Variants in ZNF761 observed in about 807,000 individuals in gnomAD.
ZNF761 encodes zinc finger protein 761.
Under a neutral mutation model 59.9 loss-of-function variants are expected in ZNF761, and 43 were observed. The observed-to-expected ratio is 0.72, with a 90% confidence interval of 0.56 to 0.92. ZNF761 has a LOEUF of 0.92. ZNF761 is among the 40% of genes least tolerant of loss of function. ZNF761 has a pLI of 0.00. For missense variants in ZNF761, 850 were observed against 906.1 expected (o/e 0.94, Z 0.79); for synonymous variants, 294 against 304.8 (o/e 0.96, Z 0.37).
rs2708740 is a variant in ZNF761, at chr19:53,457,084, A to C, written c.*336A>C. 1 of 598,954 alleles carries C rather than the reference A, an allele frequency of 1.7e-6. No homozygotes were observed. The highest frequency in any genetic ancestry group is 4.2e-5 in the East Asian group (1 of 24,068). The allele number at this position is 598,954 out of a possible 1,614,324, so 37.1% of individuals were successfully genotyped here. ...GGAGAGAAACCTTACCAGTGTAATG[A>C]GTGTGGCAAAGCCTTTAGTAGGCAG... On this transcript the variant is annotated 3_prime_UTR_variant, in exon 5 of 5. Coordinates refer to ENST00000684525, the MANE Select transcript of ZNF761 (RefSeq NM_001289951.2).
At chr19:53,446,463 C>T (rs1331778962) in intron 2 of ZNF761, 126 bp downstream of exon 2, 1 of 152,150 alleles carries the variant, frequency 6.6e-6, no homozygotes, top group Non-Finnish European at 1.5e-5. Context: ...GCAACTGCCA[C>T]CTCCTGGGTT....
intron 1 of ZNF761, chr19:53,444,144 A>G (rs985704544): frequency 2.0e-5 from 3 of 152,378 alleles, no homozygotes; most frequent in African/African-American, 7.2e-5. Context: ...AGCCTGAGAT[A>G]TGGCCTCATG....
intron 1 of ZNF761, among the ~76,000 whole-genome samples, chr19:53,441,269 A>G (rs2086096640): frequency 6.6e-6 from 1 of 152,186 alleles, no homozygotes; most frequent in South Asian, 2.1e-4. Flanking sequence ...GTGGCAGAGC[A>G]AGTCTCCATC....
intron 1 of ZNF761, among the ~76,000 whole-genome samples, chr19:53,438,318 A>C (rs2086063877): frequency 6.6e-6 from 1 of 152,234 alleles, no homozygotes; most frequent in South Asian, 2.1e-4. Flanking sequence ...TCTTGTGTTA[A>C]CAAGATGGTG....
intron 1 of ZNF761, chr19:53,441,971 G>T: frequency 7.2e-7 from 1 of 1,391,234 alleles, no homozygotes; most frequent in Non-Finnish European, 1.0e-6. Flanking sequence ...AGAAGCTGAG[G>T]GAAAAAGGTG....
In ZNF761 at chr19:53,449,551, C is replaced by G. The variant is rs1568810694; in HGVS notation, c.55C>G (p.Gln19Glu). Residue 19 changes from glutamine to glutamate, a missense_variant, in exon 4 of 5, where the codon CAG (glutamine) becomes GAG (glutamate). Physicochemically the swap from Gln to Glu is conservative, Grantham distance 29. Transcript: ENST00000684525. The stretch of plus-strand genomic sequence containing the variant: ...CAGGGATGTGGCCATAGAATTCTCT[C>G]AGGAGGAGTGGAAATGCCTGGACCC... ...TFRDVAIEFS[Q>E]EEWKCLDPAQ... 6.2e-7 allele frequency: 1 copy of G among 1,613,624 alleles called. No homozygotes were observed. Among genetic ancestry groups the G allele is most frequent in the Non-Finnish European group, 8.5e-7 (1 of 1,179,882 alleles).
rs1419269100 is a variant in ZNF761 at position 53,455,842 on chromosome 19, G to C, written c.1335G>C (p.Lys445Asn). Reference sequence around the variant, plus strand: ...CTTACAAGTGTAATGAGTGTGGAAAGACCTTTAGCCGGACATCATCCCTTA... The same window carrying C: ...CTTACAAGTGTAATGAGTGTGGAAACACCTTTAGCCGGACATCATCCCTTA... ...DNAYKCNECG[K>N]TFSRTSSLTC... Residue 445 changes from lysine (K) to asparagine (N), a missense_variant, in exon 5 of 5, where the codon AAG (lysine) becomes AAC (asparagine). Lys to Asn is a moderately conservative substitution (Grantham distance 94). Coordinates refer to ENST00000684525, the MANE Select transcript of ZNF761 (RefSeq NM_001289951.2). 1 of 1,613,806 alleles carries C rather than the reference G, an allele frequency of 6.2e-7. No homozygotes were observed. Among genetic ancestry groups the C allele is most frequent in the East Asian group, 2.2e-5 (1 of 44,680 alleles).
intron 4 of ZNF761, 83 bp from the exon 5 acceptor site, chr19:53,454,567 G>C: frequency 7.2e-7 from 1 of 1,389,432 alleles, no homozygotes; most frequent in South Asian, 1.7e-5. Flanking sequence ...AATAACTATT[G>C]TTTTTTGTGT....
chr19:53,437,326 A>AAAGG (rs56331766), intron 1 of ZNF761, among the ~76,000 whole-genome samples: 1 of 150,450 alleles, frequency 6.6e-6, no homozygotes, highest in African/African-American at 2.4e-5. Flanking sequence ...TCAAAAAAAA[A>AAAGG]AAAAGAAAAA....
rs150603738 is a variant in ZNF761, at chr19:53,451,994, C to T, written c.142+2356C>T. ...CTTTGTTTAATCAGATTTTTCAGCC[C>T]TCGGTGATGTTGATGAGATGCTCCT... On this transcript the variant is annotated intron_variant, in intron 4 of 4. Transcript: ENST00000684525. Among the ~76,000 whole-genome samples the T allele has an allele frequency of 3.2e-3, 489 of 152,190 alleles. 2 individuals are homozygous for T. The highest frequency in any genetic ancestry group is 6.8e-3 in the Middle Eastern group (2 of 294).
chr19:53,457,274 T>G lies in ZNF761; in HGVS notation c.*526T>G, dbSNP rs535861595. 1 of 424,724 alleles carries G rather than the reference T, an allele frequency of 2.4e-6. No homozygotes were observed. The highest frequency in any genetic ancestry group is 4.7e-6 in the Non-Finnish European group (1 of 211,250). 26.3% of individuals were successfully genotyped at this position (424,724 alleles called of 1,614,324 possible). A position where few individuals can be genotyped will look rare whatever the true frequency, so the allele number is the denominator to read the frequency against. On this transcript the variant is annotated 3_prime_UTR_variant, in exon 5 of 5. Transcript: ENST00000684525. ...ATAAATGTGGCAGATTTTTCAGACATTGTTCATACCTTGCAGTTCATCGGT... is the reference window on the plus strand; with the variant it reads ...ATAAATGTGGCAGATTTTTCAGACAGTGTTCATACCTTGCAGTTCATCGGT...
chr19:53,455,020 T>C lies in ZNF761; in HGVS notation c.513T>C (p.Ala171=). The change falls in exon 5 of 5, where the codon GCT becomes GCC. Residue 171 remains alanine, a synonymous_variant. Transcript: ENST00000684525. ...AAGTTGTGAAGTCTGTCCACGATGC[T>C]TCCTTGGTTTCAACAGCCCAAAGAA... ...DNQVVKSVHD[A]SLVSTAQRIS... 1 of 1,614,140 alleles carries C rather than the reference T, an allele frequency of 6.2e-7. No homozygotes were observed. Among genetic ancestry groups the C allele is most frequent in the Non-Finnish European group, 8.5e-7 (1 of 1,180,038 alleles).
At chr19:53,436,207 T>A (rs2617755) in intron 1 of ZNF761, among the ~76,000 whole-genome samples, 78,379 of 151,958 alleles carry the variant, frequency 0.52, 20,589 homozygotes, top group African/African-American at 0.58. Context: ...GTGGACAAGA[T>A]TACAGTACAG....
chr19:53,433,708 G>A (rs1158074067), intron 1 of ZNF761, among the ~76,000 whole-genome samples: 4 of 152,144 alleles, frequency 2.6e-5, no homozygotes, highest in Admixed American at 2.0e-4. Flanking sequence ...CTGCCTGGTC[G>A]CAATTGCTTC....
intron 1 of ZNF761, among the ~76,000 whole-genome samples, chr19:53,438,948 C>T (rs557348978): frequency 6.6e-6 from 1 of 152,242 alleles, no homozygotes; most frequent in East Asian, 1.9e-4. Flanking sequence ...AGGGTATAGG[C>T]CATGAGGTCT....
chr19:53,439,412 T>G (rs2086076200), intron 1 of ZNF761, among the ~76,000 whole-genome samples: 1 of 151,932 alleles, frequency 6.6e-6, no homozygotes. Context: ...TTCACGCCAT[T>G]CTCCTGCCTC....
At chr19:53,434,125 G>A (rs556755587) in intron 1 of ZNF761, among the ~76,000 whole-genome samples, 31 of 152,246 alleles carry the variant, frequency 2.0e-4, no homozygotes, top group African/African-American at 3.6e-4. Flanking sequence ...TACTGCTTGC[G>A]AGTTTATGAT....
rs762141806 is a variant in ZNF761, at chr19:53,456,162, G to A, written c.1655G>A (p.Cys552Tyr). ...CATTCTGGAGAGAAACCTTACAAGT[G>A]TAAGGAGTGTGGCAAGACCTTCAAT... ...RLHSGEKPYK[C>Y]KECGKTFNQQ... is the part of the protein sequence containing the mutation. The change falls in exon 5 of 5, where the codon TGT becomes TAT. Residue 552 changes from cysteine to tyrosine, a missense_variant. Physicochemically the swap from Cys to Tyr is radical, Grantham distance 194. Transcript: ENST00000684525. 28 of 1,613,976 alleles carry A rather than the reference G, an allele frequency of 1.7e-5. No individual in the cohort carries two copies. In the East Asian group the frequency reaches 6.0e-4, roughly 35 times the overall value.
Position 53,449,648 on chromosome 19 carries a change from A to G in ZNF761, c.142+10A>G, listed in dbSNP as rs2147137696. ...AACCTGGTCTCCCTGGGTGAGGATA[A>G]CTTCCCTCCAGAAGTGGGAATGTGC... On this transcript the variant is annotated intron_variant, in intron 4 of 4. Coordinates refer to ENST00000684525, the MANE Select transcript of ZNF761 (RefSeq NM_001289951.2). The G allele has an allele frequency of 6.2e-7, 1 of 1,600,996 alleles. No individual in the cohort carries two copies. The highest frequency in any genetic ancestry group is 2.2e-5 in the East Asian group (1 of 44,806).
Sources: allele counts gnomAD v4.1 joint callset (sites outside exome capture counted in the v4.1 genomes callset), GRCh38; gene constraint gnomAD v4.1.1; transcripts MANE v1.5; gene names NCBI Gene and HGNC (gene_info 2026-07-23, HGNC 2026-07-21).